SNTB2: variants seen among roughly 807,000 people sequenced by gnomAD.
SNTB2 encodes the protein beta-2-syntrophin.
Under a neutral mutation model 46.2 loss-of-function variants are expected in SNTB2, and 34 were observed. That is an observed-to-expected ratio of 0.74 (90% CI 0.56 to 0.98). The LOEUF (loss-of-function observed/expected upper bound fraction) is 0.98. SNTB2 is among the 50% of genes least tolerant of loss of function. The pLI, the probability that SNTB2 is intolerant of heterozygous loss-of-function variation, is 0.00. For synonymous variants in SNTB2, 290 were observed against 312.6 expected (o/e 0.93, Z 0.76); for missense variants, 603 against 731.4 (o/e 0.82, Z 2.02).
At chr16:69,192,238 A>G (rs1399674066) in intron 1 of SNTB2, among the ~76,000 whole-genome samples, 1 of 152,174 alleles carries the variant, frequency 6.6e-6, no homozygotes. Flanking sequence ...GGCAGTGGGA[A>G]TAGAGAGGAG....
chr16:69,199,955 C>A (rs1407329163), intron 1 of SNTB2, among the ~76,000 whole-genome samples: 1 of 151,980 alleles, frequency 6.6e-6, no homozygotes, highest in Non-Finnish European at 1.5e-5. Context: ...CCCTCTGTCG[C>A]CCAGGCTGGA....
intron 3 of SNTB2, among the ~76,000 whole-genome samples, chr16:69,264,318 G>T (rs1220427466): frequency 6.6e-6 from 1 of 152,122 alleles, no homozygotes; most frequent in Non-Finnish European, 1.5e-5. Context: ...TGGTGAGTTG[G>T]CTCCAAGTAA....
At chr16:69,285,121 C>T (rs1294340215) in intron 5 of SNTB2, among the ~76,000 whole-genome samples, 12 of 152,134 alleles carry the variant, frequency 7.9e-5, no homozygotes, top group Admixed American at 7.9e-4. Context: ...TGCATTTCTC[C>T]AAACATATTC....
intron 1 of SNTB2, among the ~76,000 whole-genome samples, chr16:69,234,404 G>A (rs1309277576): frequency 6.6e-6 from 1 of 152,206 alleles, no homozygotes; most frequent in South Asian, 2.1e-4. Context: ...CACACAATAT[G>A]GAATACTATA....
chr16:69,288,683 A>G (rs1965130292), intron 5 of SNTB2, among the ~76,000 whole-genome samples: 1 of 152,238 alleles, frequency 6.6e-6, no homozygotes, highest in African/African-American at 2.4e-5. Flanking sequence ...CAATCCTACT[A>G]TTGAGTATTT....
chr16:69,268,799 A>G (rs1964910223), intron 3 of SNTB2, among the ~76,000 whole-genome samples: 1 of 151,780 alleles, frequency 6.6e-6, no homozygotes, highest in Non-Finnish European at 1.5e-5. Flanking sequence ...TGGGAGGCAG[A>G]GGTTGCAGTA....
chr16:69,282,515 G>A (rs1397182775), intron 4 of SNTB2, among the ~76,000 whole-genome samples: 1 of 152,042 alleles, frequency 6.6e-6, no homozygotes, highest in Non-Finnish European at 1.5e-5. Context: ...AAGTTGAGTG[G>A]TGCCAGTATA....
intron 1 of SNTB2, among the ~76,000 whole-genome samples, chr16:69,232,502 C>CTTTTTTTTTTTTTTTTTTTTT (rs1032986410): frequency 1.6e-5 from 1 of 63,860 alleles, no homozygotes. Flanking sequence ...ACGGTGCGGC[C>CTTTTTTTTTTTTTTTTTTTTT]TTTTTTTTTT....
chr16:69,296,388 C>G lies in SNTB2; in HGVS notation c.1346-3202C>G, dbSNP rs111630952. 3.5e-4 allele frequency among the ~76,000 whole-genome samples: 53 copies of G among 152,160 alleles called. 1 individual carries two copies. Among genetic ancestry groups the G allele is most frequent in the African/African-American group, 1.0e-3 (43 of 41,536 alleles). On this transcript the variant is annotated intron_variant, in intron 5 of 6. Transcript: ENST00000336278. The stretch of plus-strand genomic sequence containing the variant: ...CACACAGTCACATTTGCTTTCCATT[C>G]TTTCCTTCTCCAGGGGAAACAATCC...
chr16:69,258,605 C>CTTTTTTTTTTTTTTTT (rs67116274), intron 2 of SNTB2, among the ~76,000 whole-genome samples: 2 of 83,502 alleles, frequency 2.4e-5, no homozygotes, highest in African/African-American at 4.7e-5. Flanking sequence ...CTTGTTCTTT[C>CTTTTTTTTTTTTTTTT]TTTTTTTTTT....
intron 1 of SNTB2, among the ~76,000 whole-genome samples, chr16:69,192,508 G>T (rs1352907508): frequency 2.6e-5 from 4 of 152,132 alleles, no homozygotes; most frequent in Admixed American, 2.6e-4. Flanking sequence ...GGTTTGCGAA[G>T]AAAAATTTTA....
chr16:69,292,714 A>G (rs1965185607), intron 5 of SNTB2, among the ~76,000 whole-genome samples: 1 of 150,850 alleles, frequency 6.6e-6, no homozygotes, highest in African/African-American at 2.4e-5. Context: ...CGGCCTCCCA[A>G]AGTGCTGGGA....
intron 1 of SNTB2, among the ~76,000 whole-genome samples, chr16:69,236,075 CAG>C (rs1352483157): frequency 6.6e-6 from 1 of 152,136 alleles, no homozygotes; most frequent in Non-Finnish European, 1.5e-5. Context: ...CAGGAAAAGT[CAG>C]AGTATACCTT....
At chr16:69,191,164 A>G (rs1056444761) in intron 1 of SNTB2, 1 of 151,702 alleles carries the variant, frequency 6.6e-6, no homozygotes, top group Non-Finnish European at 1.5e-5. Context: ...AATTGATCAC[A>G]ACTAGTTACA....
intron 4 of SNTB2, among the ~76,000 whole-genome samples, chr16:69,282,232 A>G (rs1275069950): frequency 1.3e-5 from 2 of 149,616 alleles, no homozygotes; most frequent in Non-Finnish European, 3.0e-5. Flanking sequence ...AGGCCCAGGC[A>G]GGCAGATCAC....
At chr16:69,260,489 C>T (rs542705412) in intron 3 of SNTB2, among the ~76,000 whole-genome samples, 1 of 152,272 alleles carries the variant, frequency 6.6e-6, no homozygotes, top group East Asian at 1.9e-4. Flanking sequence ...TAATCACTAT[C>T]ATACTATTAC....
chr16:69,223,935 T>C (rs1473212825), intron 1 of SNTB2, among the ~76,000 whole-genome samples: 1 of 151,984 alleles, frequency 6.6e-6, no homozygotes, highest in African/African-American at 2.4e-5. Context: ...CGGCCGACAG[T>C]TCTTCAGTCT....
At chr16:69,292,608 ATTT>A (rs555750337) in intron 5 of SNTB2, among the ~76,000 whole-genome samples, 1 of 119,746 alleles carries the variant, frequency 8.4e-6, no homozygotes, top group Non-Finnish European at 1.7e-5. Context: ...TGCCCAGCTA[ATTT>A]TTTTTTTTTT....
chr16:69,257,076 C>T (rs1378616964), intron 2 of SNTB2, among the ~76,000 whole-genome samples: 1 of 151,026 alleles, frequency 6.6e-6, no homozygotes, highest in Non-Finnish European at 1.5e-5. Context: ...GAGGCTGAGG[C>T]AGGAGAATCG....
Sources: gnomAD v4.1 joint callset for allele counts (sites outside exome capture counted in the v4.1 genomes callset) on GRCh38, gnomAD v4.1.1 for gene constraint, MANE v1.5 for transcripts, NCBI Gene and HGNC (gene_info 2026-07-23, HGNC 2026-07-21) for gene names.